The following NELL1 variants were observed in gnomAD, a reference collection of about 807,000 sequenced individuals.
The protein encoded by NELL1 is neural EGFL like 1.
In NELL1, 76 loss-of-function variants were observed where a neutral mutation model predicts 107.4. The observed-to-expected ratio is 0.71, with a 90% CI of 0.59 to 0.86. NELL1 has a LOEUF of 0.86. Among genes scored for constraint, NELL1 ranks in the 40% least tolerant of loss-of-function variants. The probability of loss-of-function intolerance (pLI) is 0.00; values close to 1 mark genes in which losing one functional copy is unlikely to be tolerated. For synonymous variants in NELL1, 353 were observed against 341.2 expected (o/e 1.03, Z -0.38); for missense variants, 1,024 against 1,005.5 (o/e 1.02, Z -0.25).
chr11:21,033,469 T>G (rs1312177707), intron 12 of NELL1, among the ~76,000 whole-genome samples: 1 of 152,190 alleles, frequency 6.6e-6, no homozygotes, highest in Non-Finnish European at 1.5e-5. Flanking sequence ...CTTTCACTTA[T>G]AAATGAAAAC....
At chr11:20,816,577 C>T (rs947391853) in intron 3 of NELL1, among the ~76,000 whole-genome samples, 2 of 152,000 alleles carry the variant, frequency 1.3e-5, no homozygotes, top group African/African-American at 4.8e-5. Context: ...GGTATGGAAT[C>T]GTGTTGTCAA....
intron 2 of NELL1, among the ~76,000 whole-genome samples, chr11:20,686,498 T>A (rs936565044): frequency 6.6e-6 from 1 of 152,136 alleles, no homozygotes; most frequent in African/African-American, 2.4e-5. Flanking sequence ...GGAACCAGAA[T>A]AGGTTCAGAG....
At chr11:21,229,992 C>T (rs1858000743) in intron 14 of NELL1, among the ~76,000 whole-genome samples, 1 of 152,086 alleles carries the variant, frequency 6.6e-6, no homozygotes, top group South Asian at 2.1e-4. Flanking sequence ...CAGCTGACAC[C>T]TCTCTTTCCT....
intron 15 of NELL1, among the ~76,000 whole-genome samples, chr11:21,379,804 G>T (rs77804170): frequency 2.6e-5 from 4 of 152,112 alleles, no homozygotes; most frequent in South Asian, 4.1e-4. Context: ...AATTTACCAG[G>T]TAAAAAGAAT....
intron 12 of NELL1, among the ~76,000 whole-genome samples, chr11:21,059,201 T>A (rs941209207): frequency 3.3e-5 from 5 of 151,482 alleles, no homozygotes; most frequent in Non-Finnish European, 5.9e-5. Flanking sequence ...TTCTTAACTC[T>A]CCATCTCTAC....
intron 15 of NELL1, among the ~76,000 whole-genome samples, chr11:21,479,237 C>T (rs1434932842): frequency 6.6e-6 from 1 of 152,140 alleles, no homozygotes; most frequent in Non-Finnish European, 1.5e-5. Context: ...TATCTACACT[C>T]CTATGTTTAT....
rs1297648505 is a variant in NELL1, at chr11:20,669,990, C to T, written c.55+212C>T. Among the ~76,000 whole-genome samples, 1 of 152,198 alleles carries T rather than the reference C, an allele frequency of 6.6e-6. No individual in the cohort carries two copies. ...GATGTCCCCGTTGAGTGCCCCTTCTCAGGGGACCCGGCCTCAGGGGCGCAG... is the reference window on the plus strand; with the variant it reads ...GATGTCCCCGTTGAGTGCCCCTTCTTAGGGGACCCGGCCTCAGGGGCGCAG... On this transcript the variant is annotated intron_variant, in intron 1 of 19. Coordinates refer to ENST00000357134, the MANE Select transcript of NELL1 (RefSeq NM_006157.5). The surrounding 1 kb of genome is among the most constrained non-coding windows in gnomAD (Gnocchi z 4.4).
At chr11:20,879,384 T>TA (rs1849366240) in intron 4 of NELL1, among the ~76,000 whole-genome samples, 1 of 152,178 alleles carries the variant, frequency 6.6e-6, no homozygotes, top group African/African-American at 2.4e-5. Flanking sequence ...AATGTAAGGG[T>TA]AGTCCTGGAT....
At chr11:21,284,101 G>A (rs1423876276) in intron 14 of NELL1, 1 of 387,558 alleles carries the variant, frequency 2.6e-6, no homozygotes, top group Non-Finnish European at 5.2e-6. Context: ...ATGCCATCAT[G>A]GCAGTTCATT....
At chr11:20,719,220 C>G (rs767910998) in intron 2 of NELL1, among the ~76,000 whole-genome samples, 5 of 152,316 alleles carry the variant, frequency 3.3e-5, no homozygotes, top group Non-Finnish European at 5.9e-5. Flanking sequence ...TCTGGCCTTT[C>G]TCTAGGGAGG....
chr11:20,781,037 C>G (rs1310167711), intron 2 of NELL1, among the ~76,000 whole-genome samples: 1 of 152,126 alleles, frequency 6.6e-6, no homozygotes, highest in Non-Finnish European at 1.5e-5. Flanking sequence ...AGCACGTTAA[C>G]TACAGTGTGA....
chr11:20,943,287 C>T (rs1398327876), intron 10 of NELL1, among the ~76,000 whole-genome samples: 2 of 152,186 alleles, frequency 1.3e-5, no homozygotes, highest in Admixed American at 1.3e-4. Context: ...CTTCCAGGCA[C>T]AATTTAAAGC....
intron 2 of NELL1, among the ~76,000 whole-genome samples, chr11:20,688,580 G>C (rs1240580506): frequency 6.6e-6 from 1 of 152,098 alleles, no homozygotes; most frequent in African/African-American, 2.4e-5. Flanking sequence ...TTTTATGGCT[G>C]TGTGATATTC....
chr11:21,437,572 T>C (rs891361764), intron 15 of NELL1, among the ~76,000 whole-genome samples: 7 of 152,202 alleles, frequency 4.6e-5, no homozygotes, highest in Middle Eastern at 3.2e-3. Context: ...TTGGTCACTC[T>C]GGTCTCGAAC....
At chr11:21,548,096 G>C (rs76688977) in intron 16 of NELL1, among the ~76,000 whole-genome samples, 24 of 151,984 alleles carry the variant, frequency 1.6e-4, no homozygotes, top group Non-Finnish European at 3.2e-4. Context: ...TTGAGGAAGA[G>C]ACCATGGCAG....
chr11:21,478,108 G>A (rs1315599650), intron 15 of NELL1, among the ~76,000 whole-genome samples: 1 of 152,128 alleles, frequency 6.6e-6, no homozygotes, highest in Admixed American at 6.6e-5. Flanking sequence ...CATGGTGGAA[G>A]GTGAAGGAAA....
intron 12 of NELL1, among the ~76,000 whole-genome samples, chr11:21,019,158 A>G (rs1276458180): frequency 6.6e-6 from 1 of 152,132 alleles, no homozygotes; most frequent in Non-Finnish European, 1.5e-5. Flanking sequence ...CTTCATGTTC[A>G]TGCTCTTTTA....
chr11:21,517,067 G>A (rs1387326549), intron 15 of NELL1, among the ~76,000 whole-genome samples: 1 of 152,128 alleles, frequency 6.6e-6, no homozygotes, highest in African/African-American at 2.4e-5. Flanking sequence ...GGGATTAGAG[G>A]CATGAGCTAC....
In NELL1 at chr11:20,956,418, G is replaced by A. The variant is rs1308724107; in HGVS notation, c.1172-4014G>A. ...TCCCAGCACTTTGGGAGGCCGAGGCGGGTAGATCACGAGGTCAGGAGATTG... is the reference window on the plus strand; with the variant it reads ...TCCCAGCACTTTGGGAGGCCGAGGCAGGTAGATCACGAGGTCAGGAGATTG... On this transcript the variant is annotated intron_variant, in intron 11 of 19. Coordinates refer to ENST00000357134, the MANE Select transcript of NELL1 (RefSeq NM_006157.5). 3.9e-5 allele frequency among the ~76,000 whole-genome samples: 6 copies of A among 152,058 alleles called. No homozygotes were observed. In the South Asian group the frequency reaches 8.3e-4, roughly 21 times the overall value.
Sources: allele counts gnomAD v4.1 joint callset (sites outside exome capture counted in the v4.1 genomes callset), GRCh38; gene constraint gnomAD v4.1.1; non-coding constraint Gnocchi (gnomAD v3.1); transcripts MANE v1.5; gene names NCBI Gene and HGNC (gene_info 2026-07-23, HGNC 2026-07-21).